The following EPHA6 variants were observed in gnomAD, a reference collection of about 807,000 sequenced individuals.
EPHA6 encodes ephrin type-A receptor 6.
Under a neutral mutation model 112.0 loss-of-function variants are expected in EPHA6, and 50 were observed. That is an observed-to-expected ratio of 0.45 (90% confidence interval 0.36 to 0.56). EPHA6 has a LOEUF of 0.56. EPHA6 is among the 20% of genes least tolerant of loss of function. The pLI, the probability that EPHA6 is intolerant of heterozygous loss-of-function variation, is 0.00. For missense variants in EPHA6, 1,280 were observed against 1,417.4 expected (o/e 0.90, Z 1.56); for synonymous variants, 529 against 490.7 (o/e 1.08, Z -1.03).
At chr3:96,865,367 T>A (rs1344630353) in intron 1 of EPHA6, among the ~76,000 whole-genome samples, 4 of 151,982 alleles carry the variant, frequency 2.6e-5, no homozygotes, top group Non-Finnish European at 5.9e-5. Context: ...TACTCACAAT[T>A]GCATTTTAAA....
chr3:97,007,195 G>C (rs1460423418), intron 3 of EPHA6, among the ~76,000 whole-genome samples: 4 of 152,054 alleles, frequency 2.6e-5, no homozygotes, highest in African/African-American at 9.7e-5. Context: ...CTAGTACTGA[G>C]AGTGGGGTAT....
chr3:97,521,309 G>C (rs1162024979), intron 10 of EPHA6, among the ~76,000 whole-genome samples: 1 of 150,844 alleles, frequency 6.6e-6, no homozygotes, highest in African/African-American at 2.4e-5. Flanking sequence ...TGTGCATCTT[G>C]TATAAAAGCC....
At position 97,022,377 on chromosome 3, in the gene EPHA6, A is replaced by G. The variant is rs537811246; in HGVS notation, c.1114+34384A>G. On this transcript the variant is annotated intron_variant, in intron 3 of 17. Transcript: ENST00000389672. ...CTTGACTCTTTCTTAGACAGATGCT[A>G]TAACTTTTCAGCTACTTGAGTTATT... Among the ~76,000 whole-genome samples, 23 of 152,314 alleles carry G rather than the reference A, an allele frequency of 1.5e-4. No individual in the cohort carries two copies. In the East Asian group the frequency reaches 2.1e-3, roughly 14 times the overall value.
At chr3:97,305,687 G>C (rs1576899646) in intron 5 of EPHA6, among the ~76,000 whole-genome samples, 1 of 151,876 alleles carries the variant, frequency 6.6e-6, no homozygotes. Flanking sequence ...TGGACACAGG[G>C]AGGGGAACAA....
chr3:97,291,983 C>T (rs1026783601), intron 5 of EPHA6, among the ~76,000 whole-genome samples: 5 of 152,308 alleles, frequency 3.3e-5, no homozygotes, highest in African/African-American at 1.2e-4. Flanking sequence ...AAGCCAGGCA[C>T]GGAGCAGTGG....
intron 5 of EPHA6, among the ~76,000 whole-genome samples, chr3:97,395,326 T>C (rs1288376529): frequency 6.6e-6 from 1 of 151,816 alleles, no homozygotes; most frequent in Non-Finnish European, 1.5e-5. Flanking sequence ...TTAGGAACTA[T>C]TGTGATATCT....
chr3:97,482,358 A>T (rs2091577231), intron 9 of EPHA6, among the ~76,000 whole-genome samples: 2 of 152,220 alleles, frequency 1.3e-5, no homozygotes, highest in African/African-American at 4.8e-5. Context: ...CTGAAATCAC[A>T]AATTCTACTA....
At chr3:97,111,229 T>C (rs963763413) in intron 3 of EPHA6, among the ~76,000 whole-genome samples, 4 of 152,146 alleles carry the variant, frequency 2.6e-5, no homozygotes, top group African/African-American at 9.7e-5. Context: ...AATTTTCTTA[T>C]AAAAAATTTG....
intron 14 of EPHA6, among the ~76,000 whole-genome samples, chr3:97,718,360 C>A (rs776167895): frequency 1.3e-5 from 2 of 152,070 alleles, no homozygotes; most frequent in African/African-American, 2.4e-5. Context: ...GTTCTCATTT[C>A]TGAATTTTTT....
chr3:97,497,947 C>T (rs2107544600), intron 10 of EPHA6, among the ~76,000 whole-genome samples: 1 of 152,096 alleles, frequency 6.6e-6, no homozygotes, highest in African/African-American at 2.4e-5. Context: ...CATAAGAATT[C>T]AGGGATTCAT....
At chr3:96,875,795 A>T (rs1486118651) in intron 2 of EPHA6, among the ~76,000 whole-genome samples, 1 of 152,020 alleles carries the variant, frequency 6.6e-6, no homozygotes, top group Non-Finnish European at 1.5e-5. Context: ...TCATTAAGTC[A>T]AATCTTCTTG....
intron 8 of EPHA6, among the ~76,000 whole-genome samples, chr3:97,478,363 A>G (rs1460675801): frequency 1.3e-5 from 2 of 152,148 alleles, no homozygotes; most frequent in African/African-American, 2.4e-5. Flanking sequence ...TGCAGGCTAA[A>G]TAAGTATTGC....
intron 8 of EPHA6, among the ~76,000 whole-genome samples, chr3:97,475,841 T>A (rs1283056264): frequency 6.6e-6 from 1 of 152,288 alleles, no homozygotes; most frequent in East Asian, 1.9e-4. Flanking sequence ...TAATATTTTG[T>A]CAATTAAATA....
At chr3:97,621,219 A>G (rs889108013) in intron 13 of EPHA6, among the ~76,000 whole-genome samples, 5 of 152,114 alleles carry the variant, frequency 3.3e-5, no homozygotes, top group African/African-American at 1.2e-4. Context: ...TGATGAGAAC[A>G]CATGGACAAC....
At chr3:97,179,314 A>G (rs919630598) in intron 3 of EPHA6, among the ~76,000 whole-genome samples, 1 of 151,982 alleles carries the variant, frequency 6.6e-6, no homozygotes, top group African/African-American at 2.4e-5. Context: ...TTTCCTCAAC[A>G]CAGCTATTTT....
chr3:96,830,835 G>A (rs1559756190), intron 1 of EPHA6, among the ~76,000 whole-genome samples: 1 of 151,982 alleles, frequency 6.6e-6, no homozygotes, highest in African/African-American at 2.4e-5. Flanking sequence ...AGTAAAGAAA[G>A]TTCAAGAGAT....
intron 13 of EPHA6, among the ~76,000 whole-genome samples, chr3:97,617,519 G>A (rs1310742453): frequency 6.6e-6 from 1 of 152,110 alleles, no homozygotes; most frequent in Non-Finnish European, 1.5e-5. Flanking sequence ...TCAATATGCT[G>A]TCTTCAAGAG....
chr3:97,246,202 T>C (rs1172808790), intron 5 of EPHA6, among the ~76,000 whole-genome samples: 1 of 151,970 alleles, frequency 6.6e-6, no homozygotes, highest in Non-Finnish European at 1.5e-5. Flanking sequence ...ATTTTGAAGG[T>C]TTTTATTGCC....
At chr3:96,843,561 A>C (rs2034879733) in intron 1 of EPHA6, among the ~76,000 whole-genome samples, 1 of 152,066 alleles carries the variant, frequency 6.6e-6, no homozygotes, top group South Asian at 2.1e-4. Context: ...GTGAACAGGT[A>C]GCAATAGGAG....
Sources: gnomAD v4.1 joint callset for allele counts (sites outside exome capture counted in the v4.1 genomes callset) on GRCh38, gnomAD v4.1.1 for gene constraint, MANE v1.5 for transcripts, NCBI Gene and HGNC (gene_info 2026-07-23, HGNC 2026-07-21) for gene names.